The following SEMA6D variants were observed in gnomAD, a reference collection of about 807,000 sequenced individuals.
SEMA6D encodes semaphorin 6D.
SEMA6D carries 35 observed loss-of-function variants against 106.6 expected under a neutral mutation model. The observed-to-expected ratio is 0.33, with a 90% CI of 0.25 to 0.44. The LOEUF (loss-of-function observed/expected upper bound fraction) is 0.44. Ranked by LOEUF, SEMA6D falls within the 20% of genes least tolerant of loss-of-function variation. The pLI is 1.00. For synonymous variants in SEMA6D, 499 were observed against 487.7 expected, an observed-to-expected ratio of 1.02 and a Z score of -0.31; for missense variants, 1,185 against 1,345.9, an observed-to-expected ratio of 0.88 and a Z score of 1.87.
At chr15:47,611,497 G>A (rs2076905804) in intron 4 of SEMA6D, among the ~76,000 whole-genome samples, 1 of 152,134 alleles carries the variant, frequency 6.6e-6, no homozygotes. Flanking sequence ...ACGAACGTGT[G>A]TGTGTGTTTA....
chr15:47,408,298 A>G (rs1251948955), intron 1 of SEMA6D, among the ~76,000 whole-genome samples: 1 of 152,214 alleles, frequency 6.6e-6, no homozygotes, highest in Non-Finnish European at 1.5e-5. Context: ...GGGGCATAAT[A>G]ATGTATCTAC....
At chr15:47,247,661 T>C (rs1221978205) in intron 1 of SEMA6D, among the ~76,000 whole-genome samples, 1 of 152,204 alleles carries the variant, frequency 6.6e-6, no homozygotes, top group Non-Finnish European at 1.5e-5. Context: ...GAATACTGGC[T>C]TTTTTTCTTT....
chr15:47,740,771 G>A (rs1445790060), intron 1 of SEMA6D, among the ~76,000 whole-genome samples: 3 of 152,120 alleles, frequency 2.0e-5, no homozygotes, highest in African/African-American at 7.2e-5. Flanking sequence ...TGACCTTGGG[G>A]TAGGTCCCTG....
At chr15:47,273,184 T>C (rs79895995) in intron 1 of SEMA6D, among the ~76,000 whole-genome samples, 3,438 of 152,242 alleles carry the variant, frequency 0.023, 129 homozygotes, top group African/African-American at 0.078. Flanking sequence ...TTGCCTTTTA[T>C]TTCTAATGTT....
intron 2 of SEMA6D, among the ~76,000 whole-genome samples, chr15:47,457,300 A>G (rs944124042): frequency 1.3e-5 from 2 of 152,012 alleles, no homozygotes; most frequent in African/African-American, 2.4e-5. Context: ...TCAAGCATCC[A>G]ATACAGACTT....
At position 47,730,581 on chromosome 15, in the gene SEMA6D, T is replaced by G. The variant is rs1480499513; in HGVS notation, c.-55+12889T>G. On this transcript the variant is annotated intron_variant, in intron 1 of 18. Coordinates refer to ENST00000536845, the MANE Select transcript of SEMA6D (RefSeq NM_001358351.3). ...GGGACATCCCCTTTGCCAGCAGCTT[T>G]CTTCTCGGCCCAGGCCAACAGTCTC... 2.0e-6 allele frequency: 3 copies of G among 1,503,648 alleles called. No homozygotes were observed. The African/African-American group carries it at 4.1e-5, about 21-fold the overall frequency. 93.1% of individuals were successfully genotyped at this position (1,503,648 alleles called of 1,614,324 possible). A position where few individuals can be genotyped will look rare whatever the true frequency, so the allele number is the denominator to read the frequency against.
chr15:47,262,832 A>G (rs1595573753), intron 1 of SEMA6D, among the ~76,000 whole-genome samples: 2 of 152,166 alleles, frequency 1.3e-5, no homozygotes, highest in African/African-American at 4.8e-5. Flanking sequence ...ACAGCATGGT[A>G]TGGGTACAAA....
At chr15:47,530,409 A>C (rs991508874) in intron 3 of SEMA6D, among the ~76,000 whole-genome samples, 5 of 152,206 alleles carry the variant, frequency 3.3e-5, no homozygotes, top group Non-Finnish European at 5.9e-5. Flanking sequence ...CAAAATTAAG[A>C]ACTTCATAAT....
At chr15:47,453,257 T>C (rs945960261) in intron 2 of SEMA6D, among the ~76,000 whole-genome samples, 3 of 151,756 alleles carry the variant, frequency 2.0e-5, no homozygotes, top group African/African-American at 7.3e-5. Context: ...ATTAATTTAT[T>C]TTAAATAAAA....
intron 1 of SEMA6D, among the ~76,000 whole-genome samples, chr15:47,292,729 G>T (rs2035642755): frequency 1.3e-5 from 2 of 152,148 alleles, no homozygotes; most frequent in African/African-American, 2.4e-5. Flanking sequence ...ATATTGTGTA[G>T]TCCATGAAGA....
At chr15:47,659,537 C>T (rs561325631) in intron 4 of SEMA6D, among the ~76,000 whole-genome samples, 2 of 151,670 alleles carry the variant, frequency 1.3e-5, no homozygotes, top group Admixed American at 1.3e-4. Flanking sequence ...TATTTTTTGT[C>T]ATTTACAAAC....
At chr15:47,262,389 A>T (rs1480029971) in intron 1 of SEMA6D, among the ~76,000 whole-genome samples, 1 of 152,116 alleles carries the variant, frequency 6.6e-6, no homozygotes, top group Non-Finnish European at 1.5e-5. Flanking sequence ...TCACGGTTCC[A>T]TATGGCTGGG....
chr15:47,265,686 AT>A (rs900115170), intron 1 of SEMA6D, among the ~76,000 whole-genome samples: 108 of 151,106 alleles, frequency 7.1e-4, no homozygotes, highest in African/African-American at 2.2e-3. Flanking sequence ...ATGCCTCTCA[AT>A]TTTTTTTTGT....
intron 2 of SEMA6D, among the ~76,000 whole-genome samples, chr15:47,450,446 C>T (rs767600945): frequency 4.2e-4 from 64 of 152,060 alleles, no homozygotes; most frequent in Non-Finnish European, 8.1e-4. Flanking sequence ...CAACTGGTCA[C>T]TAAAGCAGAG....
At chr15:47,762,094 A>G in intron 7 of SEMA6D, 106 bp from the exon 8 acceptor site, 1 of 1,220,316 alleles carries the variant, frequency 8.2e-7, no homozygotes, top group Non-Finnish European at 1.2e-6. Flanking sequence ...TGTATAGATA[A>G]TGGTAATACC....
At chr15:47,436,229 A>C (rs2041697078) in intron 2 of SEMA6D, among the ~76,000 whole-genome samples, 1 of 151,998 alleles carries the variant, frequency 6.6e-6, no homozygotes, top group Non-Finnish European at 1.5e-5. Context: ...GTCTCTACTA[A>C]AAATACAAAA....
rs1555431187 is a variant in SEMA6D at position 47,772,346 on chromosome 15, T to TTGTGTGTGCG, written c.*569_*570insCGTGTGTGTG. The TTGTGTGTGCG allele has an allele frequency of 2.0e-4, 17 of 83,720 alleles. No individual in the cohort carries two copies. The highest frequency in any genetic ancestry group is 4.0e-4 in the South Asian group (1 of 2,512). 5.2% of individuals were successfully genotyped at this position (83,720 alleles called of 1,614,324 possible). A position where few individuals can be genotyped will look rare whatever the true frequency, so the allele number is the denominator to read the frequency against. ...CTTTTTCATGCCACCAACAAACTTG[T>TTGTGTGTGCG]TGTGTGTGTGCGTGTGTGTGTGTGT... On this transcript the variant is annotated 3_prime_UTR_variant, in exon 19 of 19. Coordinates refer to ENST00000536845, the MANE Select transcript of SEMA6D (RefSeq NM_001358351.3).
At chr15:47,683,816 A>C (rs1054774613) in intron 4 of SEMA6D, among the ~76,000 whole-genome samples, 1 of 152,160 alleles carries the variant, frequency 6.6e-6, no homozygotes, top group Non-Finnish European at 1.5e-5. Flanking sequence ...TGAAATATTG[A>C]CTGCACAATG....
chr15:47,542,093 A>G (rs1235650827), intron 3 of SEMA6D, among the ~76,000 whole-genome samples: 2 of 152,236 alleles, frequency 1.3e-5, no homozygotes, highest in African/African-American at 2.4e-5. Flanking sequence ...CCAATCACAG[A>G]ACTGAACTGC....
Sources: gnomAD v4.1 joint callset for allele counts (sites outside exome capture counted in the v4.1 genomes callset) on GRCh38, gnomAD v4.1.1 for gene constraint, MANE v1.5 for transcripts, NCBI Gene and HGNC (gene_info 2026-07-23, HGNC 2026-07-21) for gene names.